The following MBD5 variants were observed in gnomAD, a reference collection of about 807,000 sequenced individuals.
MBD5 encodes methyl-CpG-binding domain protein 5.
MBD5 carries 13 observed loss-of-function variants against 117.3 expected under a neutral mutation model. The observed-to-expected ratio is 0.11, with a 90% confidence interval of 0.07 to 0.18. The LOEUF is 0.18. MBD5 is among the 10% of genes least tolerant of loss of function. The pLI, the probability that MBD5 is intolerant of heterozygous loss-of-function variation, is 1.00. For synonymous variants in MBD5, 727 were observed against 766.4 expected, an observed-to-expected ratio of 0.95 and a Z score of 0.85; for missense variants, 1,879 against 2,093.8, an observed-to-expected ratio of 0.90 and a Z score of 2.00.
At chr2:148,384,471 C>T (rs1704274703) in intron 4 of MBD5, among the ~76,000 whole-genome samples, 1 of 152,170 alleles carries the variant, frequency 6.6e-6, no homozygotes, top group South Asian at 2.1e-4. Context: ...AGGATACAAA[C>T]ACATGGAAGA....
chr2:148,088,559 C>A (rs544489704), intron 1 of MBD5, among the ~76,000 whole-genome samples: 2 of 152,218 alleles, frequency 1.3e-5, no homozygotes, highest in East Asian at 3.9e-4. Context: ...CTATTTTTAG[C>A]CTCTTCAAAC....
intron 1 of MBD5, among the ~76,000 whole-genome samples, chr2:148,103,529 G>A (rs904927883): frequency 6.6e-6 from 1 of 152,130 alleles, no homozygotes; most frequent in Non-Finnish European, 1.5e-5. Flanking sequence ...ACCTGTTGAT[G>A]TTGCGATACA....
At chr2:148,108,645 A>C (rs16828252) in intron 1 of MBD5, among the ~76,000 whole-genome samples, 3,261 of 152,180 alleles carry the variant, frequency 0.021, 123 homozygotes, top group African/African-American at 0.074. Context: ...TACCAGTCTT[A>C]ACTTAATCTT....
intron 3 of MBD5, among the ~76,000 whole-genome samples, chr2:148,279,362 C>T (rs1188946747): frequency 6.6e-6 from 1 of 152,106 alleles, no homozygotes; most frequent in African/African-American, 2.4e-5. Flanking sequence ...CACAGGAGTT[C>T]GAGGGTGCAG....
At chr2:148,465,835 G>A (rs988689593) in intron 7 of MBD5, among the ~76,000 whole-genome samples, 12 of 152,086 alleles carry the variant, frequency 7.9e-5, no homozygotes, top group African/African-American at 2.9e-4. Flanking sequence ...GCATATTACC[G>A]TGGACATATT....
At chr2:148,135,581 C>T (rs1697151444) in intron 1 of MBD5, among the ~76,000 whole-genome samples, 2 of 152,100 alleles carry the variant, frequency 1.3e-5, no homozygotes, top group African/African-American at 4.8e-5. Context: ...GGTTTTAGGG[C>T]TCGACTTGTT....
chr2:148,281,825 GCTT>G lies in MBD5; in HGVS notation c.-680+48434_-680+48436del, dbSNP rs1240958303. On this transcript the variant is annotated intron_variant, in intron 3 of 13. Coordinates refer to ENST00000642680, the MANE Select transcript of MBD5 (RefSeq NM_001378120.1). ...GGTTTATCCCCAAAAGCTTTTTTCA[GCTT>G]CTTTTCACAGTTTGGGGAATCACAT... Among the ~76,000 whole-genome samples the G allele has an allele frequency of 2.0e-5, 3 of 152,062 alleles. No homozygotes were observed. The East Asian group carries it at 5.8e-4, about 29-fold the overall frequency.
At chr2:148,170,466 T>G (rs1698237797) in intron 1 of MBD5, among the ~76,000 whole-genome samples, 1 of 152,218 alleles carries the variant, frequency 6.6e-6, no homozygotes, top group African/African-American at 2.4e-5. Context: ...CTAAAAACAT[T>G]TTTAATTCAT....
At position 148,422,549 on chromosome 2, in the gene MBD5, C is replaced by T. The variant is rs139695652; in HGVS notation, c.-556-35654C>T. Among the ~76,000 whole-genome samples the T allele has an allele frequency of 3.5e-3, 535 of 152,244 alleles. 5 individuals are homozygous for T. The highest frequency in any genetic ancestry group is 0.013 in the African/African-American group (523 of 41,534). On this transcript the variant is annotated intron_variant, in intron 4 of 13. Coordinates refer to ENST00000642680, the MANE Select transcript of MBD5 (RefSeq NM_001378120.1). ...TCTCCTCCAAAGGATCACAACTCCT[C>T]ACCAGCAAGGGAACAGAACTGGACA...
intron 4 of MBD5, among the ~76,000 whole-genome samples, chr2:148,441,983 T>C (rs908563643): frequency 1.3e-5 from 2 of 152,158 alleles, no homozygotes; most frequent in Admixed American, 1.3e-4. Context: ...TTTGTTTGAG[T>C]TCATTGTAGA....
At chr2:148,416,494 G>A (rs879516632) in intron 4 of MBD5, among the ~76,000 whole-genome samples, 1 of 152,200 alleles carries the variant, frequency 6.6e-6, no homozygotes, top group Non-Finnish European at 1.5e-5. Context: ...CTGGGGCCAG[G>A]CACTGGTGGG....
At chr2:148,502,712 T>C (rs1252387161) in intron 12 of MBD5, among the ~76,000 whole-genome samples, 1 of 152,228 alleles carries the variant, frequency 6.6e-6, no homozygotes, top group Non-Finnish European at 1.5e-5. Flanking sequence ...GTTTACACTA[T>C]GTGTAATATT....
chr2:148,509,965 C>G, intron 12 of MBD5, 95 bp from the exon 13 acceptor site: 1 of 967,794 alleles, frequency 1.0e-6, no homozygotes, highest in East Asian at 2.5e-5. Context: ...GGCTTTCTCT[C>G]GTGGAATTGG....
rs959714540 is a variant in MBD5 at position 148,178,799 on chromosome 2, T to C, written c.-831+6T>C. The stretch of plus-strand genomic sequence containing the variant: ...TTAGAAGATAAGCACTAAAGGTAAG[T>C]AGTAACTATAGCCCCATATATAATT... On this transcript the variant is annotated splice_donor_region_variant and intron_variant, in intron 2 of 13. Transcript: ENST00000642680. The C allele has an allele frequency of 2.5e-6, 1 of 398,374 alleles. No homozygotes were observed. The highest frequency in any genetic ancestry group is 4.4e-6 in the Non-Finnish European group (1 of 225,722). The allele number at this position is 398,374 out of a possible 1,614,324, so 24.7% of individuals were successfully genotyped here. A position where few individuals can be genotyped will look rare whatever the true frequency, so the allele number is the denominator to read the frequency against.
chr2:148,183,547 A>C (rs1166410175), intron 2 of MBD5, among the ~76,000 whole-genome samples: 2 of 151,650 alleles, frequency 1.3e-5, no homozygotes, highest in African/African-American at 4.8e-5. Flanking sequence ...ATGTATATAT[A>C]TCTCTCCTAC....
chr2:148,324,164 G>A lies in MBD5; in HGVS notation c.-679-18050G>A, dbSNP rs557215040. On this transcript the variant is annotated intron_variant, in intron 3 of 13. Transcript: ENST00000642680. The stretch of plus-strand genomic sequence containing the variant: ...GATCAGGTAGTTGTAGATATGTGGC[G>A]TTATTTCTGAGGGCTCTGTTCTGTT... Among the ~76,000 whole-genome samples, 652 of 152,012 alleles carry A rather than the reference G, an allele frequency of 4.3e-3. 7 individuals are homozygous for A. The highest frequency in any genetic ancestry group is 0.015 in the African/African-American group (611 of 41,464).
chr2:148,071,136 G>A (rs1204385086), intron 1 of MBD5: 1 of 152,142 alleles, frequency 6.6e-6, no homozygotes, highest in Non-Finnish European at 1.5e-5. Flanking sequence ...ACAGGTGTGA[G>A]CCACCACACC....
intron 4 of MBD5, among the ~76,000 whole-genome samples, chr2:148,430,145 C>A (rs369886027): frequency 6.6e-6 from 1 of 152,136 alleles, no homozygotes; most frequent in Non-Finnish European, 1.5e-5. Flanking sequence ...ATTTCCCTTG[C>A]GGCCAACTAT....
At position 148,259,058 on chromosome 2, in the gene MBD5, G is replaced by A. The variant is rs751803107; in HGVS notation, c.-680+25663G>A. On this transcript the variant is annotated intron_variant, in intron 3 of 13. Coordinates refer to ENST00000642680, the MANE Select transcript of MBD5 (RefSeq NM_001378120.1). ...TCATCATCTGGCCTCTGAGTATTCA[G>A]GTCAAACATAGCCTGCTGCATACCC... Among the ~76,000 whole-genome samples, 3 of 152,160 alleles carry A rather than the reference G, an allele frequency of 2.0e-5. No individual in the cohort carries two copies. In the East Asian group the frequency reaches 5.8e-4, roughly 29 times the overall value.
Sources: allele counts gnomAD v4.1 joint callset (sites outside exome capture counted in the v4.1 genomes callset), GRCh38; gene constraint gnomAD v4.1.1; transcripts MANE v1.5; gene names NCBI Gene and HGNC (gene_info 2026-07-23, HGNC 2026-07-21).